Variants in PLEKHA7 observed in about 807,000 individuals in gnomAD.
PLEKHA7 encodes pleckstrin homology domain-containing family A member 7.
PLEKHA7 carries 104 observed loss-of-function variants against 170.0 expected under a neutral mutation model. That is an observed-to-expected ratio of 0.61 (90% CI 0.52 to 0.72). The LOEUF is 0.72. Ranked by LOEUF, PLEKHA7 falls within the 30% of genes least tolerant of loss-of-function variation. The pLI is 0.00. For synonymous variants in PLEKHA7, 648 were observed against 660.8 expected (o/e 0.98, Z 0.30); for missense variants, 1,615 against 1,671.7 (o/e 0.97, Z 0.59).
At chr11:16,975,059 T>G in intron 3 of PLEKHA7, 1 of 739,876 alleles carries the variant, frequency 1.4e-6, no homozygotes, top group South Asian at 3.8e-5. Context: ...GGTTTTTATA[T>G]ATACTATGTA....
chr11:16,866,362 C>T lies in PLEKHA7; in HGVS notation c.305+4737G>A, dbSNP rs186286730. On this transcript the variant is annotated intron_variant, in intron 4 of 26. Transcript: ENST00000531066. ...ATCCCAGCACTTTGGGAGGCCAAGGCGGGCAGATCACCTGAGGTCAGGAGT... is the reference window on the plus strand; with the variant it reads ...ATCCCAGCACTTTGGGAGGCCAAGGTGGGCAGATCACCTGAGGTCAGGAGT... Among the ~76,000 whole-genome samples, 30 of 151,502 alleles carry T rather than the reference C, an allele frequency of 2.0e-4. No homozygotes were observed. In the East Asian group the frequency reaches 5.6e-3, roughly 28 times the overall value.
At chr11:16,874,297 A>T (rs1277888651) in intron 3 of PLEKHA7, among the ~76,000 whole-genome samples, 3 of 152,172 alleles carry the variant, frequency 2.0e-5, no homozygotes, top group Non-Finnish European at 4.4e-5. Context: ...ACTTAAGCCC[A>T]GGAGTTTGAG....
intron 12 of PLEKHA7, chr11:16,813,382 G>A: frequency 2.2e-6 from 1 of 450,824 alleles, no homozygotes; most frequent in East Asian, 3.7e-5. Context: ...TGTGGGGAAA[G>A]TCAGCTTGTC....
intron 3 of PLEKHA7, among the ~76,000 whole-genome samples, chr11:16,897,165 GCC>G (rs1011160847): frequency 2.0e-5 from 3 of 152,070 alleles, no homozygotes; most frequent in Admixed American, 1.3e-4. Context: ...TAAGTCTTTC[GCC>G]CAAGTTAAAA....
chr11:16,914,470 C>T (rs1157712024), intron 3 of PLEKHA7, among the ~76,000 whole-genome samples: 6 of 152,352 alleles, frequency 3.9e-5, no homozygotes, highest in Non-Finnish European at 2.9e-5. Context: ...TGCGTACCCA[C>T]TGCAGCCACC....
chr11:16,958,150 T>C (rs1861823447), intron 3 of PLEKHA7, among the ~76,000 whole-genome samples: 1 of 151,816 alleles, frequency 6.6e-6, no homozygotes, highest in Admixed American at 6.6e-5. Flanking sequence ...ACCTCACCTC[T>C]ACAAAAAATT....
chr11:16,817,334 G>C lies in PLEKHA7; in HGVS notation c.1344-12C>G. ...GGTCCAAGGGAAGACTGAGGAGAAA[G>C]GGTAAGAACGGGTCAGGCAACCAAG... On this transcript the variant is annotated splice_polypyrimidine_tract_variant and intron_variant, in intron 10 of 26. Coordinates refer to ENST00000531066, the MANE Select transcript of PLEKHA7 (RefSeq NM_001329630.2). This position sits in a 1 kb window ranked among gnomAD's most constrained non-coding sequence, Gnocchi z 4.4. The C allele has an allele frequency of 6.3e-7, 1 of 1,592,222 alleles. No homozygotes were observed. The highest frequency in any genetic ancestry group is 1.1e-5 in the South Asian group (1 of 89,166).
At chr11:16,957,424 A>G (rs2136564100) in intron 3 of PLEKHA7, among the ~76,000 whole-genome samples, 1 of 152,368 alleles carries the variant, frequency 6.6e-6, no homozygotes, top group Admixed American at 6.5e-5. Flanking sequence ...CAGCCATTAA[A>G]AATTATCTCA....
At chr11:16,784,943 C>T (rs1849298024) in intron 24 of PLEKHA7, among the ~76,000 whole-genome samples, 2 of 152,338 alleles carry the variant, frequency 1.3e-5, no homozygotes, top group African/African-American at 4.8e-5. Flanking sequence ...GCCAAGGCAG[C>T]ATGTTGGGGC....
intron 3 of PLEKHA7, among the ~76,000 whole-genome samples, chr11:16,896,347 G>A (rs1856991606): frequency 6.6e-6 from 1 of 152,168 alleles, no homozygotes; most frequent in South Asian, 2.1e-4. Flanking sequence ...GGGAGGGGGC[G>A]TCTGAAGGGC....
chr11:16,948,276 A>T (rs1274979212), intron 3 of PLEKHA7, among the ~76,000 whole-genome samples: 1 of 152,204 alleles, frequency 6.6e-6, no homozygotes, highest in African/African-American at 2.4e-5. Flanking sequence ...GAGTACAGTA[A>T]ATAACAATAT....
intron 3 of PLEKHA7, among the ~76,000 whole-genome samples, chr11:16,898,685 T>C (rs1006356163): frequency 1.3e-5 from 2 of 152,186 alleles, no homozygotes; most frequent in Non-Finnish European, 2.9e-5. Flanking sequence ...TCCTAGGAAG[T>C]GTTTCTGGCA....
At chr11:16,836,880 A>T (rs776046810) in intron 9 of PLEKHA7, among the ~76,000 whole-genome samples, 19 of 151,654 alleles carry the variant, frequency 1.3e-4, no homozygotes, top group Admixed American at 8.6e-4. Context: ...CTGGAATGCA[A>T]TGGCATGATC....
At chr11:16,806,862 GTGA>G (rs1849027273) in intron 13 of PLEKHA7, among the ~76,000 whole-genome samples, 1 of 152,180 alleles carries the variant, frequency 6.6e-6, no homozygotes, top group Non-Finnish European at 1.5e-5. Flanking sequence ...AGGCAGACAC[GTGA>G]TGATGGAAAC....
chr11:16,899,553 G>A (rs1175814263), intron 3 of PLEKHA7, among the ~76,000 whole-genome samples: 3 of 152,118 alleles, frequency 2.0e-5, no homozygotes, highest in Non-Finnish European at 4.4e-5. Context: ...ACTAACAGGT[G>A]ACTTCTAATT....
At chr11:16,963,329 CT>C (rs910912369) in intron 3 of PLEKHA7, among the ~76,000 whole-genome samples, 31 of 150,296 alleles carry the variant, frequency 2.1e-4, no homozygotes, top group African/African-American at 5.9e-4. Flanking sequence ...TAATTTAGGA[CT>C]TTTTTTTTTC....
At chr11:16,902,158 T>C (rs1215830515) in intron 3 of PLEKHA7, among the ~76,000 whole-genome samples, 1 of 152,230 alleles carries the variant, frequency 6.6e-6, no homozygotes, top group African/African-American at 2.4e-5. Context: ...TGCGTTCTTG[T>C]TGTAGCATGT....
rs11823946 is a variant in PLEKHA7, at chr11:16,784,003, T to C, written c.3517-170A>G. 6.7e-3 allele frequency among the ~76,000 whole-genome samples: 1,024 copies of C among 152,304 alleles called. 10 individuals are homozygous for C. The highest frequency in any genetic ancestry group is 0.023 in the African/African-American group (939 of 41,548). ...CAGTTGTGGAATCCAGGTTTGAACC[T>C]GAGTCCGACTCCAAAGCTCATGTTC... On this transcript the variant is annotated intron_variant, in intron 24 of 26. Transcript: ENST00000531066.
Position 16,816,872 on chromosome 11 carries a change from T to C in PLEKHA7, c.1794A>G (p.Pro598=). The C allele has an allele frequency of 6.2e-7, 1 of 1,614,026 alleles. No homozygotes were observed. Residue 598 remains proline (P), a synonymous_variant, in exon 11 of 27, where the codon CCA becomes CCG. Transcript: ENST00000531066. ...TGTCCACACTCCTCCTCTGGTCCGG[T>C]GGCTTCACTGTGACTCGCTCTGCTG... ...HTPAERVTVK[P]PDQRRSVDIS...
Sources: allele counts gnomAD v4.1 joint callset (sites outside exome capture counted in the v4.1 genomes callset), GRCh38; gene constraint gnomAD v4.1.1; non-coding constraint Gnocchi (gnomAD v3.1); transcripts MANE v1.5; gene names NCBI Gene and HGNC (gene_info 2026-07-23, HGNC 2026-07-21).